HNRNPUL1: variants seen among roughly 807,000 people sequenced by gnomAD.
HNRNPUL1 encodes heterogeneous nuclear ribonucleoprotein U-like protein 1.
Under a neutral mutation model 108.5 loss-of-function variants are expected in HNRNPUL1, and 14 were observed. The ratio of observed to expected loss-of-function variants is 0.13; its 90% CI spans 0.09 to 0.20. The LOEUF (loss-of-function observed/expected upper bound fraction) is 0.20, where lower values mean the gene tolerates loss of function less well. Among genes scored for constraint, HNRNPUL1 ranks in the 10% least tolerant of loss-of-function variants. The pLI is 1.00. For synonymous variants in HNRNPUL1, 422 were observed against 445.2 expected (o/e 0.95, Z 0.66); for missense variants, 804 against 1,168.3 (o/e 0.69, Z 4.55).
rs771359373 is a variant in HNRNPUL1, at chr19:41,294,473, A to G, written c.1389+13A>G. 3 of 1,614,114 alleles carry G rather than the reference A, an allele frequency of 1.9e-6. No individual in the cohort carries two copies. Among genetic ancestry groups the G allele is most frequent in the Admixed American group, 1.7e-5 (1 of 60,008 alleles). ...GGATAAGATGCGGGTAAGGCCAGCCACTGGACTCTCCTTACTCACCTCCAA... is the reference window on the plus strand; with the variant it reads ...GGATAAGATGCGGGTAAGGCCAGCCGCTGGACTCTCCTTACTCACCTCCAA... On this transcript the variant is annotated intron_variant, in intron 9 of 14. Coordinates refer to ENST00000392006, the MANE Select transcript of HNRNPUL1 (RefSeq NM_007040.6). The surrounding 1 kb of genome is among the most constrained non-coding windows in gnomAD (Gnocchi z 4.3).
At position 41,302,588 on chromosome 19, in the gene HNRNPUL1, C is replaced by T. The variant is rs971707421; in HGVS notation, c.1688-77C>T. 3.2e-6 allele frequency: 5 copies of T among 1,566,358 alleles called. No homozygotes were observed. In the African/African-American group the frequency reaches 6.8e-5, roughly 21 times the overall value. ...TTCTCCCTTCTGGAAGGCCACTCTT[C>T]TGGGTGGAGGGGACCAGACTTCAGA... On this transcript the variant is annotated intron_variant, in intron 11 of 14. Transcript: ENST00000392006.
intron 7 of HNRNPUL1, among the ~76,000 whole-genome samples, chr19:41,283,700 C>T (rs527873064): frequency 1.3e-5 from 2 of 152,270 alleles, no homozygotes; most frequent in African/African-American, 4.8e-5. Context: ...AGGTGATCCA[C>T]CTGCCTCGGC....
intron 7 of HNRNPUL1, among the ~76,000 whole-genome samples, chr19:41,286,945 T>A (rs1233517043): frequency 6.6e-6 from 1 of 151,876 alleles, no homozygotes; most frequent in Admixed American, 6.6e-5. Context: ...CTCGAACTCC[T>A]GACCTCAGAT....
rs200198044 is a variant in HNRNPUL1 at position 41,306,601 on chromosome 19, G to A, written c.*36G>A. 2.3e-3 allele frequency: 3,093 copies of A among 1,359,256 alleles called. 6 individuals carry two copies. Among genetic ancestry groups the A allele is most frequent in the Non-Finnish European group, 2.4e-3 (2,418 of 1,012,264 alleles). The allele number at this position is 1,359,256 out of a possible 1,614,324, so 84.2% of individuals were successfully genotyped here. ...CCAGAGGCTCCCGGAGGCCCCTGCC[G>A]GCTTCCTCCACCAGCGCCTGCCTCG... On this transcript the variant is annotated 3_prime_UTR_variant, in exon 15 of 15. Coordinates refer to ENST00000392006, the MANE Select transcript of HNRNPUL1 (RefSeq NM_007040.6).
chr19:41,284,196 G>A (rs924101091), intron 7 of HNRNPUL1, among the ~76,000 whole-genome samples: 11 of 152,062 alleles, frequency 7.2e-5, no homozygotes, highest in Non-Finnish European at 1.6e-4. Flanking sequence ...GGTATTACAA[G>A]AAAAATTTGA....
rs1460234684 is a variant in HNRNPUL1 at position 41,268,110 on chromosome 19, A to G, written c.296-113A>G. The G allele has an allele frequency of 1.3e-5, 13 of 996,138 alleles. No homozygotes were observed. The Admixed American group carries it at 2.5e-4, about 19-fold the overall frequency. The allele number at this position is 996,138 out of a possible 1,614,324, so 61.7% of individuals were successfully genotyped here. A position where few individuals can be genotyped will look rare whatever the true frequency, so the allele number is the denominator to read the frequency against. On this transcript the variant is annotated intron_variant, in intron 1 of 14. Transcript: ENST00000392006. Reference sequence around the variant, plus strand: ...CATGCCATGAATAGTTAATATTATTATTCTTACCACTCTTAGTTGAGCTCC... The same window carrying G: ...CATGCCATGAATAGTTAATATTATTGTTCTTACCACTCTTAGTTGAGCTCC...
intron 7 of HNRNPUL1, among the ~76,000 whole-genome samples, chr19:41,290,677 CT>C (rs976715403): frequency 5.3e-5 from 8 of 152,162 alleles, no homozygotes; most frequent in African/African-American, 1.4e-4. Flanking sequence ...CCCCGCCCCC[CT>C]TTTTTTGATA....
rs1001246963 is a variant in HNRNPUL1 at position 41,264,995 on chromosome 19, G to T, written c.295+197G>T. ...TGGATCCTGACACTCAGTGCAGGGG[G>T]GACACTGGGGGAGGGGCCTCTGGGT... On this transcript the variant is annotated intron_variant, in intron 1 of 14. Coordinates refer to ENST00000392006, the MANE Select transcript of HNRNPUL1 (RefSeq NM_007040.6). 3.6e-6 allele frequency: 5 copies of T among 1,394,854 alleles called. No homozygotes were observed. In the African/African-American group the frequency reaches 7.5e-5, roughly 21 times the overall value. The allele number at this position is 1,394,854 out of a possible 1,614,324, so 86.4% of individuals were successfully genotyped here.
At chr19:41,302,498 C>A (rs746507208) in intron 11 of HNRNPUL1, 167 bp from the exon 12 acceptor site, 2 of 847,844 alleles carry the variant, frequency 2.4e-6, no homozygotes, top group Non-Finnish European at 3.9e-6. Context: ...GGATTACAGG[C>A]GTGAGCCACC....
intron 1 of HNRNPUL1, chr19:41,265,323 C>T (rs1274221696): frequency 1.3e-6 from 2 of 1,508,174 alleles, no homozygotes; most frequent in Non-Finnish European, 1.8e-6. Context: ...TGGATGCGAT[C>T]CTGGGCGTTC....
At chr19:41,280,105 T>G (rs1267288517) in intron 6 of HNRNPUL1, among the ~76,000 whole-genome samples, 1 of 152,206 alleles carries the variant, frequency 6.6e-6, no homozygotes. Flanking sequence ...CCTGACCACT[T>G]AAGACTAATC....
chr19:41,272,534 T>A (rs2035303468), intron 3 of HNRNPUL1, among the ~76,000 whole-genome samples: 1 of 152,208 alleles, frequency 6.6e-6, no homozygotes, highest in African/African-American at 2.4e-5. Flanking sequence ...AGTCAGCTGC[T>A]TGATACCCGT....
intron 4 of HNRNPUL1, among the ~76,000 whole-genome samples, chr19:41,275,267 C>G (rs1318399328): frequency 6.6e-6 from 1 of 152,108 alleles, no homozygotes; most frequent in Non-Finnish European, 1.5e-5. Context: ...GGTGATTAAC[C>G]TTTTTGTATT....
intron 13 of HNRNPUL1, 33 bp downstream of exon 13, chr19:41,304,294 A>G: frequency 6.4e-7 from 1 of 1,556,436 alleles, no homozygotes; most frequent in Non-Finnish European, 8.7e-7. Context: ...GTATGTAGTG[A>G]TCGCACGTGT....
At chr19:41,269,134 G>C in intron 2 of HNRNPUL1, among the ~76,000 whole-genome samples, 1 of 150,688 alleles carries the variant, frequency 6.6e-6, no homozygotes. Flanking sequence ...TAAAGGCTCT[G>C]AGAAGTCCAG....
chr19:41,271,991 T>A, intron 2 of HNRNPUL1, 91 bp from the exon 3 acceptor site: 1 of 1,435,060 alleles, frequency 7.0e-7, no homozygotes, highest in Admixed American at 1.9e-5. Context: ...GTGAGGATCC[T>A]GCTCACATCT....
intron 14 of HNRNPUL1, 66 bp downstream of exon 14, chr19:41,305,933 C>T: frequency 8.9e-7 from 1 of 1,128,358 alleles, no homozygotes; most frequent in Non-Finnish European, 1.3e-6. Context: ...GGTGTGTATT[C>T]CCAGACTTAA....
At chr19:41,293,422 T>A (rs921803357) in intron 8 of HNRNPUL1, among the ~76,000 whole-genome samples, 19 of 152,208 alleles carry the variant, frequency 1.2e-4, no homozygotes, top group Admixed American at 1.2e-3. Context: ...AACCTCTCTT[T>A]GAACATCATT....
chr19:41,301,025 C>G (rs2122940242), intron 10 of HNRNPUL1, among the ~76,000 whole-genome samples: 1 of 152,294 alleles, frequency 6.6e-6, no homozygotes, highest in East Asian at 1.9e-4. Context: ...GAGAAAGTTT[C>G]ACGTTACATG....
Sources: allele counts gnomAD v4.1 joint callset (sites outside exome capture counted in the v4.1 genomes callset), GRCh38; gene constraint gnomAD v4.1.1; non-coding constraint Gnocchi (gnomAD v3.1); transcripts MANE v1.5; gene names NCBI Gene and HGNC (gene_info 2026-07-23, HGNC 2026-07-21).